The following DAPK1 variants were observed in gnomAD, a reference collection of about 807,000 sequenced individuals.
The protein encoded by DAPK1 is death-associated protein kinase 1.
Under a neutral mutation model 144.9 loss-of-function variants are expected in DAPK1, and 56 were observed. The observed-to-expected ratio is 0.39, with a 90% CI of 0.31 to 0.48. DAPK1 has a LOEUF of 0.48. Ranked by LOEUF, DAPK1 falls within the 20% of genes least tolerant of loss-of-function variation. DAPK1 has a pLI of 0.95. For missense variants in DAPK1, 1,454 were observed against 1,875.4 expected (o/e 0.78, Z 4.15); for synonymous variants, 690 against 749.0 (o/e 0.92, Z 1.29).
At chr9:87,611,733 T>C (rs1828939202) in intron 3 of DAPK1, among the ~76,000 whole-genome samples, 1 of 152,154 alleles carries the variant, frequency 6.6e-6, no homozygotes, top group African/African-American at 2.4e-5. Context: ...GGAATTACAG[T>C]TGTGAGCCAC....
At chr9:87,633,049 T>C (rs748386899) in intron 3 of DAPK1, 89 of 977,154 alleles carry the variant, frequency 9.1e-5, no homozygotes, top group Non-Finnish European at 1.1e-4. Flanking sequence ...GGAGGATGAG[T>C]ATATATGTAA....
intron 18 of DAPK1, among the ~76,000 whole-genome samples, chr9:87,659,584 G>T (rs1830757753): frequency 1.3e-5 from 2 of 152,206 alleles, no homozygotes; most frequent in South Asian, 4.1e-4. Flanking sequence ...GAAATGTGCG[G>T]CCCCCTCTGT....
intron 20 of DAPK1, among the ~76,000 whole-genome samples, chr9:87,683,314 C>A (rs750139510): frequency 7.9e-5 from 12 of 152,146 alleles, no homozygotes; most frequent in Non-Finnish European, 7.4e-5. Flanking sequence ...GACTCCTGAC[C>A]TTGTGATCCA....
chr9:87,635,655 G>A (rs959665788), intron 3 of DAPK1, among the ~76,000 whole-genome samples: 4 of 152,156 alleles, frequency 2.6e-5, no homozygotes, highest in African/African-American at 9.7e-5. Flanking sequence ...CCCGCAAGCT[G>A]GACCTTACCC....
At chr9:87,548,655 C>T (rs12378686) in intron 2 of DAPK1, among the ~76,000 whole-genome samples, 34,867 of 152,108 alleles carry the variant, frequency 0.23, 4,528 homozygotes, top group Non-Finnish European at 0.3. Flanking sequence ...TGTATCTTTT[C>T]TTTGGGATAA....
chr9:87,499,549 C>T (rs1326543750), intron 2 of DAPK1, among the ~76,000 whole-genome samples: 3 of 152,162 alleles, frequency 2.0e-5, no homozygotes, highest in East Asian at 1.9e-4. Flanking sequence ...TAGTACTTTA[C>T]CCTCTATCTA....
At chr9:87,508,479 A>G (rs7856012) in intron 2 of DAPK1, among the ~76,000 whole-genome samples, 4 of 151,680 alleles carry the variant, frequency 2.6e-5, no homozygotes, top group Admixed American at 2.6e-4. Context: ...AGTAGCTGGG[A>G]CTACAGGTGC....
chr9:87,699,732 G>A (rs2118051753), intron 23 of DAPK1, among the ~76,000 whole-genome samples: 1 of 152,310 alleles, frequency 6.6e-6, no homozygotes, highest in South Asian at 2.1e-4. Context: ...GGTCAGTGAT[G>A]TAGCTTTTGC....
chr9:87,602,884 G>A (rs1212369104), intron 2 of DAPK1, among the ~76,000 whole-genome samples: 3 of 151,032 alleles, frequency 2.0e-5, no homozygotes, highest in Admixed American at 6.6e-5. Context: ...CACCCACCTC[G>A]GCCTCCCAAA....
Position 87,706,816 on chromosome 9 carries a change from G to A in DAPK1, c.3745G>A (p.Val1249Ile), listed in dbSNP as rs377648883. 99 of 1,613,706 alleles carry A rather than the reference G, an allele frequency of 6.1e-5. 1 individual carries two copies. The East Asian group carries it at 7.1e-4, about 12-fold the overall frequency. Residue 1249 changes from valine (V) to isoleucine (I), a missense_variant, in exon 26 of 26, where the codon GTC becomes ATC. This residue lies in a region of DAPK1 where 1,025 missense variants were observed against 1,237.9 expected (regional missense o/e 0.83). Coordinates refer to ENST00000408954, the MANE Select transcript of DAPK1 (RefSeq NM_004938.4). The surrounding 1 kb of genome is among the most constrained non-coding windows in gnomAD (Gnocchi z 9.0). ...GCAGCTGCGGGAGCACCATGAGCCC[G>A]TCATGATCTACCAGCCACGGGACTT... The part of the protein sequence containing the change: ...PQQLREHHEP[V>I]MIYQPRDFFR...
At chr9:87,622,744 C>G (rs1297828761) in intron 3 of DAPK1, among the ~76,000 whole-genome samples, 2 of 151,910 alleles carry the variant, frequency 1.3e-5, no homozygotes, top group Admixed American at 1.3e-4. Flanking sequence ...AACCCTGTCT[C>G]CACTAAAATA....
intron 2 of DAPK1, among the ~76,000 whole-genome samples, chr9:87,580,250 A>G (rs1303459881): frequency 6.6e-6 from 1 of 152,080 alleles, no homozygotes; most frequent in Non-Finnish European, 1.5e-5. Context: ...TTCAGTTCCT[A>G]TTTTTAAAAA....
chr9:87,690,978 ATGT>A (rs762893299), intron 21 of DAPK1, among the ~76,000 whole-genome samples: 5 of 151,584 alleles, frequency 3.3e-5, no homozygotes, highest in South Asian at 2.1e-4. Context: ...AATGATGATG[ATGT>A]TGTTGTTGTT....
chr9:87,612,816 A>G (rs1314820107), intron 3 of DAPK1, among the ~76,000 whole-genome samples: 1 of 152,164 alleles, frequency 6.6e-6, no homozygotes, highest in African/African-American at 2.4e-5. Flanking sequence ...GGAGTCTAAC[A>G]TAAGATAAGG....
At chr9:87,516,583 T>C (rs1305503120) in intron 2 of DAPK1, among the ~76,000 whole-genome samples, 1 of 152,168 alleles carries the variant, frequency 6.6e-6, no homozygotes, top group Non-Finnish European at 1.5e-5. Flanking sequence ...TTTTCTTCAA[T>C]GTCAGGTAAC....
At chr9:87,663,816 G>A (rs982635180) in intron 18 of DAPK1, among the ~76,000 whole-genome samples, 3 of 152,010 alleles carry the variant, frequency 2.0e-5, no homozygotes, top group African/African-American at 7.3e-5. Flanking sequence ...CTCCTCCCCA[G>A]TGTTCAGCCT....
intron 9 of DAPK1, 39 bp downstream of exon 9, chr9:87,640,886 A>G (rs763779087): frequency 1.6e-5 from 25 of 1,604,554 alleles, no homozygotes; most frequent in Middle Eastern, 1.6e-4. Context: ...ATCACTTTCT[A>G]TGTGATTGGT....
rs375425709 is a variant in DAPK1, at chr9:87,639,560, T to C, written c.553+77T>C. The C allele has an allele frequency of 2.4e-5, 38 of 1,610,568 alleles. 1 individual carries two copies. In the Middle Eastern group the frequency reaches 8.3e-4, roughly 35 times the overall value. ...CAAACCTCCCCTGCTAGAAGATTCT[T>C]TCCCTGCTACATGTTCCTGGTTGTT... On this transcript the variant is annotated intron_variant, in intron 5 of 25. Transcript: ENST00000408954.
intron 2 of DAPK1, among the ~76,000 whole-genome samples, chr9:87,501,114 T>A (rs1486915532): frequency 2.0e-5 from 3 of 152,094 alleles, no homozygotes; most frequent in Admixed American, 1.3e-4. Flanking sequence ...GAGGGAAGAT[T>A]GGGAGTGGAG....
Sources: allele counts gnomAD v4.1 joint callset (sites outside exome capture counted in the v4.1 genomes callset), GRCh38; gene constraint gnomAD v4.1.1; regional missense constraint gnomAD v4.1.1; non-coding constraint Gnocchi (gnomAD v3.1); transcripts MANE v1.5; gene names NCBI Gene and HGNC (gene_info 2026-07-23, HGNC 2026-07-21).